The following NCOR2 variants were observed in gnomAD, a reference collection of about 807,000 sequenced individuals.
NCOR2 encodes the protein nuclear receptor corepressor 2.
NCOR2 carries 81 observed loss-of-function variants against 262.9 expected under a neutral mutation model. The observed-to-expected ratio is 0.31, with a 90% confidence interval of 0.26 to 0.37. The LOEUF is 0.37. Ranked by LOEUF, NCOR2 falls within the 10% of genes least tolerant of loss-of-function variation. The pLI is 1.00. For synonymous variants in NCOR2, 1,659 were observed against 1,559.3 expected, an observed-to-expected ratio of 1.06 and a Z score of -1.51; for missense variants, 3,385 against 3,621.4, an observed-to-expected ratio of 0.93 and a Z score of 1.68.
chr12:124,534,505 A>T (rs1234771468), intron 1 of NCOR2, among the ~76,000 whole-genome samples: 1 of 152,142 alleles, frequency 6.6e-6, no homozygotes, highest in African/African-American at 2.4e-5. Flanking sequence ...ACTGTCATAT[A>T]TGCGGTCCAT....
intron 37 of NCOR2, among the ~76,000 whole-genome samples, chr12:124,339,628 A>ACCACCCCC (rs2036252738): frequency 1.8e-5 from 1 of 56,492 alleles, no homozygotes. Context: ...ACCTAACCCA[A>ACCACCCCC]CCACCTATCT....
At chr12:124,434,607 T>A (rs1419435408) in intron 8 of NCOR2, among the ~76,000 whole-genome samples, 1 of 152,106 alleles carries the variant, frequency 6.6e-6, no homozygotes, top group Non-Finnish European at 1.5e-5. Context: ...TCCTTTTAAA[T>A]GGAAATCAGA....
At position 124,430,804 on chromosome 12, in the gene NCOR2, G is replaced by A; in HGVS notation, c.883-17C>T. 2 of 1,590,586 alleles carry A rather than the reference G, an allele frequency of 1.3e-6. No individual in the cohort carries two copies. Among genetic ancestry groups the A allele is most frequent in the South Asian group, 1.1e-5 (1 of 88,944 alleles). On this transcript the variant is annotated splice_polypyrimidine_tract_variant and intron_variant, in intron 8 of 46. Coordinates refer to ENST00000405201, the Ensembl canonical transcript of NCOR2. ...CTTCTGCTCCTGGGAGAGCGCAGGG[G>A]GCACTGCGGAAGATGCTCCTGCACC...
At chr12:124,374,332 G>A (rs765990004) in intron 19 of NCOR2, 81 bp downstream of exon 21, 212 of 1,424,750 alleles carry the variant, frequency 1.5e-4, no homozygotes, top group Non-Finnish European at 1.9e-4. Context: ...CAGAAGCGGG[G>A]TTCCTTGTGG....
chr12:124,338,551 G>A (rs1464244335), intron 37 of NCOR2, among the ~76,000 whole-genome samples: 1 of 151,292 alleles, frequency 6.6e-6, no homozygotes, highest in Non-Finnish European at 1.5e-5. Flanking sequence ...GGGTGTTGAG[G>A]TGTGACCCCA....
exon 15 of NCOR2, chr12:124,400,572 C>T: frequency 1.2e-6 from 2 of 1,614,202 alleles, no homozygotes; most frequent in Non-Finnish European, 8.5e-7. Flanking sequence ...GCGGGTGATG[C>T]GGCCTTTGCG....
Position 124,325,377 on chromosome 12 carries a change from G to GCCACC in NCOR2, c.*24_*25insGGTGG, listed in dbSNP as rs762207402. 26 of 251,140 alleles carry GCCACC rather than the reference G, an allele frequency of 1.0e-4. 1 individual carries two copies. The highest frequency in any genetic ancestry group is 6.5e-5 in the East Asian group (1 of 15,360). The allele number at this position is 251,140 out of a possible 1,614,324, so 15.6% of individuals were successfully genotyped here. On this transcript the variant is annotated 3_prime_UTR_variant, in exon 47 of 47. Coordinates refer to ENST00000405201, the Ensembl canonical transcript of NCOR2. The stretch of plus-strand genomic sequence containing the variant: ...CTGTGGCTCGCTGGGACCTGACACC[G>GCCACC]CCCCCCCCCCCGCCCTGTTCTGAGT...
chr12:124,383,398 C>A, intron 17 of NCOR2: 1 of 330,236 alleles, frequency 3.0e-6, no homozygotes, highest in Non-Finnish European at 5.2e-6. Flanking sequence ...GGATCTCTGG[C>A]TGCATGTTCG....
At chr12:124,340,054 A>G in exon 37 of NCOR2, 2 of 1,612,784 alleles carry the variant, frequency 1.2e-6, no homozygotes, top group Non-Finnish European at 1.7e-6. Context: ...GATACCCTTC[A>G]TGCCTGTGTT....
exon 47 of NCOR2, chr12:124,325,470 G>C: frequency 1.5e-6 from 2 of 1,366,864 alleles, no homozygotes; most frequent in Non-Finnish European, 1.9e-6. Context: ...TCCCAGGCGT[G>C]GTGGGGGCCA....
chr12:124,374,365 C>T, intron 19 of NCOR2, 48 bp downstream of exon 21: 1 of 1,593,704 alleles, frequency 6.3e-7, no homozygotes, highest in Non-Finnish European at 8.6e-7. Flanking sequence ...CTTGGGATGC[C>T]CGCCCCGGCC....
At chr12:124,471,679 C>A (rs1465514798) in intron 4 of NCOR2, among the ~76,000 whole-genome samples, 2 of 152,250 alleles carry the variant, frequency 1.3e-5, no homozygotes, top group Non-Finnish European at 2.9e-5. Context: ...GGCACTCCTG[C>A]CTCAGCCTCC....
intron 5 of NCOR2, among the ~76,000 whole-genome samples, chr12:124,461,094 G>C (rs2046136176): frequency 6.6e-6 from 1 of 152,260 alleles, no homozygotes; most frequent in South Asian, 2.1e-4. Context: ...CCGGCTGGGA[G>C]GCTGGAATTC....
chr12:124,503,597 T>C lies in NCOR2; in HGVS notation c.-117-8229A>G, dbSNP rs2048867253. On this transcript the variant is annotated intron_variant, in intron 1 of 46. Coordinates refer to the NCOR2 transcript ENST00000404621. This position sits in a 1 kb window ranked among gnomAD's most constrained non-coding sequence, Gnocchi z 4.3. Reference sequence around the variant, plus strand: ...GAAGACGGACGGATGGACGGATGGATGGATGGACGGACGGACGGATGGATG... The same window carrying C: ...GAAGACGGACGGATGGACGGATGGACGGATGGACGGACGGACGGATGGATG... Among the ~76,000 whole-genome samples, 1 of 141,574 alleles carries C rather than the reference T, an allele frequency of 7.1e-6. No homozygotes were observed. The highest frequency in any genetic ancestry group is 1.5e-5 in the Non-Finnish European group (1 of 66,230). 92.9% of individuals were successfully genotyped at this position (141,574 alleles called of 152,430 possible). A position where few individuals can be genotyped will look rare whatever the true frequency, so the allele number is the denominator to read the frequency against.
rs535236289 is a variant in NCOR2, at chr12:124,399,737, G to A, written c.1813+764C>T. ...TGGCAGGCGGGGCTTCGGCCTGAGC[G>A]CTTGGGCCCCTGGGTGGGTTCCCGC... On this transcript the variant is annotated intron_variant, in intron 15 of 46. Coordinates refer to ENST00000405201, the Ensembl canonical transcript of NCOR2. Among the ~76,000 whole-genome samples the A allele has an allele frequency of 3.9e-5, 6 of 152,306 alleles. 1 individual carries two copies. The highest frequency in any genetic ancestry group is 1.9e-4 in the East Asian group (1 of 5,174).
intron 38 of NCOR2, 82 bp from the exon 41 acceptor site, chr12:124,335,714 C>A: frequency 6.7e-7 from 1 of 1,485,782 alleles, no homozygotes; most frequent in Admixed American, 2.2e-5. Flanking sequence ...TCCCAGCTGG[C>A]TGGGACCCCG....
At chr12:124,398,559 T>A (rs11057612) in intron 15 of NCOR2, among the ~76,000 whole-genome samples, 19,676 of 152,078 alleles carry the variant, frequency 0.13, 1,747 homozygotes, top group East Asian at 0.46. Flanking sequence ...GGGAAAGGGG[T>A]CACCTGGTGA....
intron 13 of NCOR2, among the ~76,000 whole-genome samples, chr12:124,403,451 C>T (rs1459681171): frequency 6.6e-6 from 1 of 152,058 alleles, no homozygotes; most frequent in African/African-American, 2.4e-5. Context: ...GGAGTGTGAG[C>T]TCCTCCTGGC....
chr12:124,346,726 C>T (rs1253424002), exon 31 of NCOR2: 17 of 1,562,414 alleles, frequency 1.1e-5, no homozygotes, highest in African/African-American at 4.1e-5. Flanking sequence ...CCAGGGCCTG[C>T]GTCTTGTAGG....
Sources: gnomAD v4.1 joint callset for allele counts (sites outside exome capture counted in the v4.1 genomes callset) on GRCh38, gnomAD v4.1.1 for gene constraint, Gnocchi (gnomAD v3.1) non-coding constraint, MANE v1.5 for transcripts, NCBI Gene and HGNC (gene_info 2026-07-23, HGNC 2026-07-21) for gene names.